The following BBX variants were observed in gnomAD, a reference collection of about 807,000 sequenced individuals.
BBX encodes the protein HMG box transcription factor BBX.
A neutral mutation model predicts 100.2 loss-of-function variants in BBX; 30 were observed. The observed-to-expected ratio is 0.30, with a 90% CI of 0.22 to 0.41. The LOEUF (loss-of-function observed/expected upper bound fraction) is 0.41. Ranked by LOEUF, BBX falls within the 10% of genes least tolerant of loss-of-function variation. BBX has a pLI of 1.00. For missense variants in BBX, 1,023 were observed against 1,129.8 expected, an observed-to-expected ratio of 0.91 and a Z score of 1.35; for synonymous variants, 376 against 388.1, an observed-to-expected ratio of 0.97 and a Z score of 0.37.
At chr3:107,583,961 A>G in intron 2 of BBX, among the ~76,000 whole-genome samples, 1 of 69,658 alleles carries the variant, frequency 1.4e-5, no homozygotes, top group East Asian at 3.5e-4. Context: ...TATATTATAT[A>G]TATTATATAT....
At chr3:107,766,159 G>C (rs1369558697) in intron 10 of BBX, among the ~76,000 whole-genome samples, 1 of 152,100 alleles carries the variant, frequency 6.6e-6, no homozygotes, top group Non-Finnish European at 1.5e-5. Context: ...ATGGAAAAAG[G>C]ACCAAGGTCA....
chr3:107,694,734 CT>C (rs1157520352), intron 3 of BBX, among the ~76,000 whole-genome samples: 4 of 151,460 alleles, frequency 2.6e-5, no homozygotes, highest in African/African-American at 4.9e-5. Flanking sequence ...AGGATTCCCT[CT>C]TTTTCTATTG....
At chr3:107,649,366 A>G (rs1002599055) in intron 3 of BBX, among the ~76,000 whole-genome samples, 1 of 152,166 alleles carries the variant, frequency 6.6e-6, no homozygotes, top group African/African-American at 2.4e-5. Flanking sequence ...ATTCAGATAA[A>G]TCCTAGTTTT....
At chr3:107,768,666 A>G (rs1198410766) in intron 10 of BBX, among the ~76,000 whole-genome samples, 5 of 152,108 alleles carry the variant, frequency 3.3e-5, no homozygotes, top group African/African-American at 7.2e-5. Context: ...AGAAGAGATC[A>G]AGTTTACCAG....
chr3:107,767,231 A>G (rs1376685784), intron 10 of BBX, among the ~76,000 whole-genome samples: 1 of 152,118 alleles, frequency 6.6e-6, no homozygotes, highest in Non-Finnish European at 1.5e-5. Flanking sequence ...CTTGGCTCCT[A>G]TGCCCCCTGC....
At chr3:107,571,541 G>A (rs1160069880) in intron 2 of BBX, among the ~76,000 whole-genome samples, 4 of 152,138 alleles carry the variant, frequency 2.6e-5, no homozygotes, top group African/African-American at 9.7e-5. Context: ...GAGAGAGGCT[G>A]GAGAAGAGAG....
At chr3:107,708,101 C>G (rs771319405) in intron 3 of BBX, among the ~76,000 whole-genome samples, 4 of 152,216 alleles carry the variant, frequency 2.6e-5, no homozygotes, top group Non-Finnish European at 5.9e-5. Context: ...TTCTATACAG[C>G]ATTGGCATTT....
At chr3:107,524,984 G>A (rs1380791271) in intron 1 of BBX, among the ~76,000 whole-genome samples, 1 of 151,590 alleles carries the variant, frequency 6.6e-6, no homozygotes. Flanking sequence ...GTGGCTGACT[G>A]GGACTGGGGT....
chr3:107,713,708 A>G (rs2061883038), intron 4 of BBX, among the ~76,000 whole-genome samples: 2 of 152,162 alleles, frequency 1.3e-5, no homozygotes, highest in Admixed American at 1.3e-4. Context: ...GCTGGTTTAC[A>G]GGATCAAATG....
At chr3:107,583,990 ATTATTATAT>A (rs1559839396) in intron 2 of BBX, among the ~76,000 whole-genome samples, 5 of 57,448 alleles carry the variant, frequency 8.7e-5, no homozygotes, top group African/African-American at 3.8e-4. Context: ...ATTATTATAT[ATTATTATAT>A]TATTATATAT....
At chr3:107,612,024 G>A (rs1344052781) in intron 2 of BBX, among the ~76,000 whole-genome samples, 1 of 151,828 alleles carries the variant, frequency 6.6e-6, no homozygotes, top group Non-Finnish European at 1.5e-5. Context: ...GCATTCTTTA[G>A]TTGGTGAGTT....
chr3:107,653,384 C>T (rs2057958192), intron 3 of BBX, among the ~76,000 whole-genome samples: 2 of 152,098 alleles, frequency 1.3e-5, no homozygotes, highest in South Asian at 4.2e-4. Flanking sequence ...AAGGCAGGCA[C>T]TTTGGTTCAT....
chr3:107,620,375 T>C (rs2055650406), intron 2 of BBX, among the ~76,000 whole-genome samples: 2 of 152,226 alleles, frequency 1.3e-5, no homozygotes, highest in African/African-American at 4.8e-5. Flanking sequence ...ACTTTCATCT[T>C]TGTTTTGTTG....
rs1202494852 is a variant in BBX, at chr3:107,638,789, A to G, written c.-83-7047A>G. ...AAAAAAAAAAAAAGTATACACACAC[A>G]CACACACACACACACACACACACAC... On this transcript the variant is annotated intron_variant, in intron 2 of 17. Transcript: ENST00000325805. 1.0e-4 allele frequency among the ~76,000 whole-genome samples: 2 copies of G among 19,804 alleles called. 1 individual carries two copies. The highest frequency in any genetic ancestry group is 0.019 in the East Asian group (2 of 106). 13.0% of individuals were successfully genotyped at this position (19,804 alleles called of 152,430 possible).
chr3:107,754,303 A>T (rs1172483825), intron 9 of BBX, among the ~76,000 whole-genome samples: 1 of 152,228 alleles, frequency 6.6e-6, no homozygotes, highest in Non-Finnish European at 1.5e-5. Flanking sequence ...TGAATTCAGC[A>T]TGTCTAGAAA....
intron 3 of BBX, among the ~76,000 whole-genome samples, chr3:107,682,518 A>G (rs2059621321): frequency 1.3e-5 from 2 of 152,148 alleles, no homozygotes; most frequent in South Asian, 4.1e-4. Flanking sequence ...ATAATGGGGC[A>G]ATCACTTAAG....
chr3:107,767,512 T>G (rs2066493770), intron 10 of BBX, among the ~76,000 whole-genome samples: 1 of 152,228 alleles, frequency 6.6e-6, no homozygotes, highest in Admixed American at 6.5e-5. Flanking sequence ...ACCTCACTTT[T>G]GATCATCTTT....
intron 4 of BBX, among the ~76,000 whole-genome samples, chr3:107,714,068 C>A (rs1001206320): frequency 1.3e-5 from 2 of 148,594 alleles, no homozygotes; most frequent in Non-Finnish European, 3.0e-5. Flanking sequence ...CTCCTCCTCC[C>A]AGGTTCAGGT....
chr3:107,663,698 G>A (rs146792328), intron 3 of BBX, among the ~76,000 whole-genome samples: 12 of 151,746 alleles, frequency 7.9e-5, no homozygotes, highest in Non-Finnish European at 1.6e-4. Context: ...GCTTGTCTTT[G>A]TAATTCATTT....
Sources: gnomAD v4.1 joint callset for allele counts (sites outside exome capture counted in the v4.1 genomes callset) on GRCh38, gnomAD v4.1.1 for gene constraint, MANE v1.5 for transcripts, NCBI Gene and HGNC (gene_info 2026-07-23, HGNC 2026-07-21) for gene names.